The following TMEM74 variants were observed in gnomAD, a reference collection of about 807,000 sequenced individuals.
TMEM74 encodes the protein transmembrane protein 74.
TMEM74 carries 13 observed loss-of-function variants against 18.1 expected under a neutral mutation model. That is an observed-to-expected ratio of 0.72 (90% CI 0.47 to 1.14). The LOEUF (loss-of-function observed/expected upper bound fraction) is 1.14, where lower values mean the gene tolerates loss of function less well. Ranked by LOEUF, TMEM74 falls within the 50% of genes most tolerant of loss-of-function variation. TMEM74 has a pLI of 0.00. For synonymous variants in TMEM74, 159 were observed against 146.6 expected, an observed-to-expected ratio of 1.08 and a Z score of -0.61; for missense variants, 372 against 375.9, an observed-to-expected ratio of 0.99 and a Z score of 0.09.
chr8:108,669,102 G>A (rs1236170103), intron 1 of TMEM74, among the ~76,000 whole-genome samples: 10 of 151,970 alleles, frequency 6.6e-5, no homozygotes, highest in African/African-American at 2.2e-4. Flanking sequence ...TTGAAGTCTT[G>A]CCACTTTCTT....
At chr8:108,777,280 C>CATA (rs1814244429), downstream of TMEM74, among the ~76,000 whole-genome samples, 1 of 152,164 alleles carries the variant, frequency 6.6e-6, no homozygotes, top group Non-Finnish European at 1.5e-5. Flanking sequence ...ATGCCTGGCA[C>CATA]ATAGTAAGCA....
At chr8:108,678,565 G>T (rs1813078455) in intron 1 of TMEM74, among the ~76,000 whole-genome samples, 1 of 150,506 alleles carries the variant, frequency 6.6e-6, no homozygotes, top group South Asian at 2.1e-4. Context: ...TAGAGACAAG[G>T]TCTCGCCATG....
intron 1 of TMEM74, among the ~76,000 whole-genome samples, chr8:108,661,315 G>T (rs1322531043): frequency 1.4e-5 from 2 of 147,494 alleles, no homozygotes; most frequent in Non-Finnish European, 3.0e-5. Flanking sequence ...TGATTTGCAA[G>T]AATTGCTTTG....
intron 1 of TMEM74, among the ~76,000 whole-genome samples, chr8:108,720,750 A>G (rs76498769): frequency 0.28 from 41,601 of 148,702 alleles, 6,261 homozygotes; most frequent in Non-Finnish European, 0.33. Context: ...TTATTTATTT[A>G]TTTATTAGTT....
chr8:108,716,637 C>T (rs1813525743), intron 1 of TMEM74, among the ~76,000 whole-genome samples: 1 of 151,374 alleles, frequency 6.6e-6, no homozygotes, highest in African/African-American at 2.4e-5. Flanking sequence ...GTATTTAACT[C>T]AAGAAGTTTA....
intron 2 of TMEM74, chr8:108,652,443 T>C (rs914984720): frequency 1.7e-5 from 6 of 349,502 alleles, no homozygotes; most frequent in Non-Finnish European, 3.2e-5. Flanking sequence ...TCTGAATACC[T>C]AAAATATCTG....
intron 1 of TMEM74, among the ~76,000 whole-genome samples, chr8:108,684,586 T>A (rs953805158): frequency 2.6e-5 from 4 of 152,102 alleles, no homozygotes; most frequent in African/African-American, 9.7e-5. Context: ...TTTGATATAA[T>A]CCCATTTGTT....
intron 1 of TMEM74, among the ~76,000 whole-genome samples, chr8:108,665,539 C>G (rs1416185072): frequency 1.3e-5 from 2 of 152,040 alleles, no homozygotes; most frequent in Non-Finnish European, 2.9e-5. Flanking sequence ...AACTCAGACA[C>G]TAAATATGCA....
chr8:108,771,814 T>C (rs1221598185), intron 1 of TMEM74, among the ~76,000 whole-genome samples: 1 of 152,204 alleles, frequency 6.6e-6, no homozygotes, highest in African/African-American at 2.4e-5. Context: ...ATTTCTATTC[T>C]AAATTTCCTT....
intron 1 of TMEM74, among the ~76,000 whole-genome samples, chr8:108,722,391 C>T (rs1421847405): frequency 1.3e-5 from 2 of 152,156 alleles, no homozygotes; most frequent in African/African-American, 4.8e-5. Context: ...TCTAAAGTGG[C>T]TTGCTATGGT....
intron 2 of TMEM74, among the ~76,000 whole-genome samples, chr8:108,613,428 G>A (rs948382267): frequency 5.3e-5 from 8 of 152,156 alleles, no homozygotes; most frequent in African/African-American, 1.9e-4. Flanking sequence ...TATCCAATCA[G>A]GAATCAATTA....
At position 108,684,321 on chromosome 8, in the gene TMEM74, T is replaced by C. The variant is rs183394862; in HGVS notation, n.120-28884A>G. 4.0e-3 allele frequency among the ~76,000 whole-genome samples: 607 copies of C among 152,240 alleles called. 1 individual carries two copies. Among genetic ancestry groups the C allele is most frequent in the Non-Finnish European group, 6.3e-3 (425 of 67,978 alleles). ...CTAAGTGGGGTGAGATGGTACCTCA[T>C]TGTGGTTTTGATTTGCATTTCTCTG... On this transcript the variant is annotated intron_variant and non_coding_transcript_variant, in intron 1 of 3. Coordinates refer to the TMEM74 transcript ENST00000518838.
At chr8:108,644,081 AC>A (rs1227045843) in intron 2 of TMEM74, among the ~76,000 whole-genome samples, 2 of 152,212 alleles carry the variant, frequency 1.3e-5, no homozygotes, top group African/African-American at 4.8e-5. Flanking sequence ...TGAAGGCATC[AC>A]ATTTTCTGAC....
intron 1 of TMEM74, among the ~76,000 whole-genome samples, chr8:108,664,103 C>G (rs913018926): frequency 6.6e-6 from 1 of 152,100 alleles, no homozygotes; most frequent in East Asian, 1.9e-4. Flanking sequence ...CACATGTACC[C>G]TAGAACTTAA....
chr8:108,642,070 A>G (rs1327921699), intron 2 of TMEM74, among the ~76,000 whole-genome samples: 1 of 151,660 alleles, frequency 6.6e-6, no homozygotes, highest in African/African-American at 2.4e-5. Context: ...CATGATCTGT[A>G]AATAGTTAGA....
At chr8:108,736,640 G>A (rs996392907) in intron 1 of TMEM74, among the ~76,000 whole-genome samples, 1 of 151,744 alleles carries the variant, frequency 6.6e-6, no homozygotes, top group African/African-American at 2.4e-5. Context: ...ATCTAGGGAA[G>A]ACGCTGTCTC....
chr8:108,687,709 G>A (rs750450218), intron 1 of TMEM74, among the ~76,000 whole-genome samples: 6 of 151,862 alleles, frequency 4.0e-5, no homozygotes, highest in African/African-American at 4.8e-5. Flanking sequence ...TAGATCCCTC[G>A]CATGTGCTGT....
At chr8:108,738,247 C>A (rs891298294) in intron 1 of TMEM74, among the ~76,000 whole-genome samples, 1 of 152,150 alleles carries the variant, frequency 6.6e-6, no homozygotes, top group East Asian at 1.9e-4. Flanking sequence ...GTGAATGGAT[C>A]ATAATTGTAT....
At chr8:108,756,183 C>A (rs1205371342) in intron 1 of TMEM74, among the ~76,000 whole-genome samples, 3 of 151,998 alleles carry the variant, frequency 2.0e-5, no homozygotes, top group Non-Finnish European at 4.4e-5. Flanking sequence ...TGAAAGGCAG[C>A]ATTCCAGAAA....
Sources: gnomAD v4.1 joint callset for allele counts (sites outside exome capture counted in the v4.1 genomes callset) on GRCh38, gnomAD v4.1.1 for gene constraint, MANE v1.5 for transcripts, NCBI Gene and HGNC (gene_info 2026-07-23, HGNC 2026-07-21) for gene names.